The following ROBO1 variants were observed in gnomAD, a reference collection of about 807,000 sequenced individuals.
ROBO1 encodes the protein roundabout guidance receptor 1.
ROBO1 carries 149 observed loss-of-function variants against 195.9 expected under a neutral mutation model. The observed-to-expected ratio is 0.76, with a 90% CI of 0.67 to 0.87. The LOEUF (loss-of-function observed/expected upper bound fraction) is 0.87. Ranked by LOEUF, ROBO1 falls within the 40% of genes least tolerant of loss-of-function variation. The probability of loss-of-function intolerance (pLI) is 0.00; values close to 1 mark genes in which losing one functional copy is unlikely to be tolerated. For missense variants in ROBO1, 1,933 were observed against 2,068.3 expected (o/e 0.93, Z 1.27); for synonymous variants, 816 against 733.2 (o/e 1.11, Z -1.82).
intron 3 of ROBO1, among the ~76,000 whole-genome samples, chr3:79,028,259 G>T (rs952717092): frequency 5.3e-5 from 8 of 151,654 alleles, no homozygotes; most frequent in African/African-American, 9.7e-5. Context: ...TCAGCATTTT[G>T]TTGTATATTT....
chr3:78,834,363 A>T (rs1006178305), intron 4 of ROBO1, among the ~76,000 whole-genome samples: 4 of 151,328 alleles, frequency 2.6e-5, no homozygotes, highest in African/African-American at 9.7e-5. Flanking sequence ...AAGAAAGTTA[A>T]CAGGAAGTGA....
chr3:78,625,523 A>G (rs1291346227), intron 26 of ROBO1, among the ~76,000 whole-genome samples: 1 of 152,210 alleles, frequency 6.6e-6, no homozygotes, highest in East Asian at 1.9e-4. Context: ...TGTGGCATTC[A>G]GGAGAAGGGA....
chr3:78,756,993 C>T (rs1576099430), intron 4 of ROBO1, among the ~76,000 whole-genome samples: 1 of 152,096 alleles, frequency 6.6e-6, no homozygotes, highest in Admixed American at 6.6e-5. Context: ...CTGGGTTCAA[C>T]TGATTCTCCT....
At chr3:78,854,426 CAT>C (rs1039516132) in intron 4 of ROBO1, among the ~76,000 whole-genome samples, 20 of 149,990 alleles carry the variant, frequency 1.3e-4, no homozygotes, top group Admixed American at 1.3e-3. Context: ...TAGAGAGAGA[CAT>C]ATATCTTACT....
chr3:78,859,347 A>G (rs1247051184), intron 4 of ROBO1, among the ~76,000 whole-genome samples: 1 of 152,192 alleles, frequency 6.6e-6, no homozygotes, highest in Non-Finnish European at 1.5e-5. Flanking sequence ...AAATTATGGA[A>G]TATTTGCATT....
intron 4 of ROBO1, among the ~76,000 whole-genome samples, chr3:78,777,116 T>C (rs1388628201): frequency 1.3e-5 from 2 of 152,180 alleles, no homozygotes; most frequent in Non-Finnish European, 2.9e-5. Context: ...CTTAAGTGGA[T>C]GGAAAGTTTA....
At chr3:79,159,104 A>G (rs749686813) in intron 2 of ROBO1, among the ~76,000 whole-genome samples, 3 of 151,990 alleles carry the variant, frequency 2.0e-5, no homozygotes, top group Non-Finnish European at 2.9e-5. Context: ...ATCTGCAAAA[A>G]TACTTGATTT....
At chr3:79,674,908 T>G (rs894673274) in intron 1 of ROBO1, among the ~76,000 whole-genome samples, 1 of 151,776 alleles carries the variant, frequency 6.6e-6, no homozygotes, top group Non-Finnish European at 1.5e-5. Context: ...CAAAGTAATT[T>G]TTAGTTAAAA....
intron 1 of ROBO1, among the ~76,000 whole-genome samples, chr3:79,684,875 C>T (rs1947054946): frequency 6.6e-6 from 1 of 151,802 alleles, no homozygotes; most frequent in Non-Finnish European, 1.5e-5. Context: ...GGGGTTTCAC[C>T]GTGTTGCCCG....
At chr3:79,389,146 C>T (rs539372358) in intron 2 of ROBO1, among the ~76,000 whole-genome samples, 263 of 151,894 alleles carry the variant, frequency 1.7e-3, no homozygotes, top group African/African-American at 6.1e-3. Flanking sequence ...AAACCTTTTC[C>T]ATATTAAAAA....
At chr3:78,646,241 T>A (rs1706283203) in intron 20 of ROBO1, 51 bp from the exon 21 acceptor site, 1 of 1,510,090 alleles carries the variant, frequency 6.6e-7, no homozygotes, top group Admixed American at 1.7e-5. Context: ...TATTTATATA[T>A]CAAAAGCTAT....
At chr3:79,367,949 T>A (rs959527272) in intron 2 of ROBO1, among the ~76,000 whole-genome samples, 1 of 152,144 alleles carries the variant, frequency 6.6e-6, no homozygotes, top group Non-Finnish European at 1.5e-5. Context: ...TTTTTTTGTT[T>A]GTTTTGTTTT....
chr3:79,433,849 C>T (rs1448261397), intron 2 of ROBO1, among the ~76,000 whole-genome samples: 1 of 152,152 alleles, frequency 6.6e-6, no homozygotes, highest in Non-Finnish European at 1.5e-5. Flanking sequence ...GGTACCAAAA[C>T]AGAGATATAG....
intron 3 of ROBO1, among the ~76,000 whole-genome samples, chr3:78,956,822 G>A (rs1010021208): frequency 7.9e-5 from 12 of 152,182 alleles, no homozygotes; most frequent in African/African-American, 2.7e-4. Flanking sequence ...AAGGCTCTTG[G>A]CCCATTCATG....
intron 18 of ROBO1, among the ~76,000 whole-genome samples, chr3:78,653,896 C>T (rs967147257): frequency 6.6e-6 from 1 of 152,162 alleles, no homozygotes; most frequent in Non-Finnish European, 1.5e-5. Context: ...AAAGTGAACA[C>T]CCACAACCAA....
chr3:78,986,255 T>A (rs1230055665), intron 3 of ROBO1, among the ~76,000 whole-genome samples: 1 of 152,198 alleles, frequency 6.6e-6, no homozygotes, highest in Non-Finnish European at 1.5e-5. Flanking sequence ...GTGCCCTGGA[T>A]CAGTCCTTAA....
chr3:79,385,832 G>T (rs1343325091), intron 2 of ROBO1, among the ~76,000 whole-genome samples: 3 of 152,016 alleles, frequency 2.0e-5, no homozygotes, highest in Admixed American at 1.3e-4. Flanking sequence ...ATAGTTTCAA[G>T]AAATACAAAT....
rs113126682 is a variant in ROBO1, at chr3:79,204,974, A to ATTAGTTAGTTAG, written c.89-79447_89-79436dup. Among the ~76,000 whole-genome samples the ATTAGTTAGTTAG allele has an allele frequency of 7.2e-3, 1,086 of 150,438 alleles. 12 individuals carry two copies. Among genetic ancestry groups the ATTAGTTAGTTAG allele is most frequent in the African/African-American group, 0.015 (611 of 40,720 alleles). ...GCTTCCTTTCTTTTTGACTTGGAGA[A>ATTAGTTAGTTAG]TTAGTTAGTTAGTTAGTTAGTTAGT... is the stretch of plus-strand genomic sequence containing the variant. On this transcript the variant is annotated intron_variant, in intron 2 of 30. Transcript: ENST00000464233.
chr3:79,683,150 G>A (rs139687070), intron 1 of ROBO1, among the ~76,000 whole-genome samples: 3,094 of 151,924 alleles, frequency 0.02, 110 homozygotes, highest in African/African-American at 0.071. Context: ...GCAAACCCCT[G>A]CATTTCAAGT....
Sources: allele counts gnomAD v4.1 joint callset (sites outside exome capture counted in the v4.1 genomes callset), GRCh38; gene constraint gnomAD v4.1.1; transcripts MANE v1.5; gene names NCBI Gene and HGNC (gene_info 2026-07-23, HGNC 2026-07-21).